The following AADACL3 variants were observed in gnomAD, a reference collection of about 807,000 sequenced individuals.
AADACL3 encodes arylacetamide deacetylase-like 3.
AADACL3 carries 13 observed loss-of-function variants against 13.6 expected under a neutral mutation model. The ratio of observed to expected loss-of-function variants is 0.95; its 90% CI spans 0.62 to 1.52. The LOEUF (loss-of-function observed/expected upper bound fraction) is 1.52, where lower values mean the gene tolerates loss of function less well. AADACL3 is among the 40% of genes most tolerant of loss of function. AADACL3 has a pLI of 0.00. For synonymous variants in AADACL3, 195 were observed against 197.0 expected (o/e 0.99, Z 0.08); for missense variants, 519 against 499.2 (o/e 1.04, Z -0.38).
chr1:12,724,628 G>A (rs1033999183), intron 3 of AADACL3, among the ~76,000 whole-genome samples: 12 of 152,036 alleles, frequency 7.9e-5, no homozygotes, highest in African/African-American at 2.9e-4. Flanking sequence ...GGGACTACAT[G>A]TATCCACCAC....
At position 12,727,939 on chromosome 1, in the gene AADACL3, T is replaced by G. The variant is rs1432717182; in HGVS notation, c.*1943T>G. On this transcript the variant is annotated 3_prime_UTR_variant, in exon 4 of 4. Coordinates refer to ENST00000359318, the MANE Select transcript of AADACL3 (RefSeq NM_001103170.3). The stretch of plus-strand genomic sequence containing the variant: ...GGAAGTGAGGTTGGTGAGGAGTTGC[T>G]GAGGCACTGCAGGGCCATGCCCAGT... The G allele has an allele frequency of 6.6e-6, 1 of 152,358 alleles. No individual in the cohort carries two copies. The highest frequency in any genetic ancestry group is 1.5e-5 in the Non-Finnish European group (1 of 68,128). 9.4% of individuals were successfully genotyped at this position (152,358 alleles called of 1,614,324 possible). A position where few individuals can be genotyped will look rare whatever the true frequency, so the allele number is the denominator to read the frequency against.
At chr1:12,718,753 G>A (rs1172938320) in intron 1 of AADACL3, among the ~76,000 whole-genome samples, 2 of 152,134 alleles carry the variant, frequency 1.3e-5, no homozygotes, top group Non-Finnish European at 2.9e-5. Context: ...CACCAGCCTT[G>A]GCCTCCCAAA....
rs1390960733 is a variant in AADACL3, at chr1:12,726,750, G to A, written c.*754G>A. Reference sequence around the variant, plus strand: ...GAATTTGAGAAGAGAAGTTGGGAGGGAAGTGGGGTCCTGAGTTAGAGACCC... The same window carrying A: ...GAATTTGAGAAGAGAAGTTGGGAGGAAAGTGGGGTCCTGAGTTAGAGACCC... On this transcript the variant is annotated 3_prime_UTR_variant, in exon 4 of 4. Transcript: ENST00000359318. 6.6e-6 allele frequency: 1 copy of A among 152,270 alleles called. No homozygotes were observed. Among genetic ancestry groups the A allele is most frequent in the African/African-American group, 2.4e-5 (1 of 41,448 alleles). 9.4% of individuals were successfully genotyped at this position (152,270 alleles called of 1,614,324 possible).
At chr1:12,722,406 T>C (rs1226260425) in intron 3 of AADACL3, among the ~76,000 whole-genome samples, 1 of 151,636 alleles carries the variant, frequency 6.6e-6, no homozygotes, top group African/African-American at 2.4e-5. Context: ...CCCCTGACTT[T>C]ACAATTCTCA....
chr1:12,725,468 C>G lies in AADACL3; in HGVS notation c.696C>G (p.Thr232=). The change falls in exon 4 of 4, where the codon ACC becomes ACG. Residue 232 remains threonine (T), a synonymous_variant. Transcript: ENST00000359318. ...YAILQALDLQ[T]PSFQQRKNIP... The stretch of plus-strand genomic sequence containing the variant: ...TTCTCCAAGCCCTGGATTTACAAAC[C>G]CCTTCGTTTCAACAGAGGAAAAACA... 6.2e-7 allele frequency: 1 copy of G among 1,613,894 alleles called. No homozygotes were observed. Among genetic ancestry groups the G allele is most frequent in the Non-Finnish European group, 8.5e-7 (1 of 1,179,930 alleles).
chr1:12,718,301 C>A (rs566904562), intron 1 of AADACL3, among the ~76,000 whole-genome samples: 2 of 139,700 alleles, frequency 1.4e-5, no homozygotes, highest in East Asian at 4.2e-4. Flanking sequence ...GGTGGGAGGA[C>A]TGTTTGAGTC....
Position 12,726,198 on chromosome 1 carries a change from G to C in AADACL3, c.*202G>C. The C allele has an allele frequency of 3.3e-6, 2 of 609,926 alleles. No homozygotes were observed. The highest frequency in any genetic ancestry group is 5.6e-6 in the Non-Finnish European group (2 of 359,228). The allele number at this position is 609,926 out of a possible 1,614,324, so 37.8% of individuals were successfully genotyped here. A position where few individuals can be genotyped will look rare whatever the true frequency, so the allele number is the denominator to read the frequency against. On this transcript the variant is annotated 3_prime_UTR_variant, in exon 4 of 4. Coordinates refer to ENST00000359318, the MANE Select transcript of AADACL3 (RefSeq NM_001103170.3). ...GGACGTGGTAGAAAAGACAGGTTTG[G>C]AGGTGGGAGTGTGGCTGTCTCTATT...
In AADACL3 at chr1:12,725,326, C is replaced by T. The variant is rs542929374; in HGVS notation, c.554C>T (p.Ala185Val). The T allele has an allele frequency of 6.2e-7, 1 of 1,613,986 alleles. No homozygotes were observed. Among genetic ancestry groups the T allele is most frequent in the Non-Finnish European group, 8.5e-7 (1 of 1,180,024 alleles). ...CTGGATGCATATGGAGTGGATCCAG[C>T]CCGGGTTGTGGTCTGCGGTGACAGT... ...KSLDAYGVDP[A>V]RVVVCGDSFG... Residue 185 changes from alanine (A) to valine (V), a missense_variant, in exon 4 of 4, where the codon GCC becomes GTC. Coordinates refer to ENST00000359318, the MANE Select transcript of AADACL3 (RefSeq NM_001103170.3).
rs1638380881 is a variant in AADACL3 at position 12,726,883 on chromosome 1, C to G, written c.*887C>G. On this transcript the variant is annotated 3_prime_UTR_variant, in exon 4 of 4. Coordinates refer to ENST00000359318, the MANE Select transcript of AADACL3 (RefSeq NM_001103170.3). ...ACTATTTCTTTTTTAAGACATGGAA[C>G]CAACTCAAATTGGCCTCTATTAGAA... is the stretch of plus-strand genomic sequence containing the variant. 1 of 152,170 alleles carries G rather than the reference C, an allele frequency of 6.6e-6. No individual in the cohort carries two copies. The highest frequency in any genetic ancestry group is 2.4e-5 in the African/African-American group (1 of 41,430). The allele number at this position is 152,170 out of a possible 1,614,324, so 9.4% of individuals were successfully genotyped here.
In AADACL3 at chr1:12,727,889, T is replaced by A. The variant is rs1638402714; in HGVS notation, c.*1893T>A. ...TTTCACCCCTGCCTCTGGAGATGGGTAGAGGAACATGAGCTGACCTTCTGG... is the reference window on the plus strand; with the variant it reads ...TTTCACCCCTGCCTCTGGAGATGGGAAGAGGAACATGAGCTGACCTTCTGG... On this transcript the variant is annotated 3_prime_UTR_variant, in exon 4 of 4. Coordinates refer to ENST00000359318, the MANE Select transcript of AADACL3 (RefSeq NM_001103170.3). 1 of 152,236 alleles carries A rather than the reference T, an allele frequency of 6.6e-6. No homozygotes were observed. Among genetic ancestry groups the A allele is most frequent in the Non-Finnish European group, 1.5e-5 (1 of 68,112 alleles). 9.4% of individuals were successfully genotyped at this position (152,236 alleles called of 1,614,324 possible).
chr1:12,725,017 A>T (rs750102049), intron 3 of AADACL3, among the ~76,000 whole-genome samples: 3 of 152,284 alleles, frequency 2.0e-5, no homozygotes, highest in Non-Finnish European at 2.9e-5. Flanking sequence ...CAGGTCCCCC[A>T]TTAGGGCATT....
At position 12,720,120 on chromosome 1, in the gene AADACL3, G is replaced by C. The variant is rs140310481; in HGVS notation, c.385+429G>C. Among the ~76,000 whole-genome samples, 12 of 152,282 alleles carry C rather than the reference G, an allele frequency of 7.9e-5. No homozygotes were observed. In the East Asian group the frequency reaches 2.3e-3, roughly 29 times the overall value. On this transcript the variant is annotated intron_variant, in intron 2 of 3. Coordinates refer to ENST00000359318, the MANE Select transcript of AADACL3 (RefSeq NM_001103170.3). ...AGCATTTTGTTTCACATCAGGTTTT[G>C]CTAAGACAAATTCTGGTACAGACAG...
At chr1:12,722,446 T>C (rs1223090408) in intron 3 of AADACL3, among the ~76,000 whole-genome samples, 1 of 152,032 alleles carries the variant, frequency 6.6e-6, no homozygotes, top group Non-Finnish European at 1.5e-5. Flanking sequence ...CATGGGATCA[T>C]GGGATGTTGC....
intron 3 of AADACL3, among the ~76,000 whole-genome samples, chr1:12,723,319 T>C (rs3122567): frequency 0.016 from 2,475 of 152,294 alleles, 55 homozygotes; most frequent in African/African-American, 0.057. Flanking sequence ...ATTCTGGTGG[T>C]GGGTTAAATC....
rs771067772 is a variant in AADACL3 at position 12,727,606 on chromosome 1, C to A, written c.*1610C>A. 3 of 152,220 alleles carry A rather than the reference C, an allele frequency of 2.0e-5. No individual in the cohort carries two copies. The highest frequency in any genetic ancestry group is 4.4e-5 in the Non-Finnish European group (3 of 68,046). The allele number at this position is 152,220 out of a possible 1,614,324, so 9.4% of individuals were successfully genotyped here. On this transcript the variant is annotated 3_prime_UTR_variant, in exon 4 of 4. Transcript: ENST00000359318. Reference sequence around the variant, plus strand: ...CATTGCACAAAAAACCCTGTGCATGCCCTTAACTTGCTTTCAGTTGAATAT... The same window carrying A: ...CATTGCACAAAAAACCCTGTGCATGACCTTAACTTGCTTTCAGTTGAATAT...
rs41279482 is a variant in AADACL3, at chr1:12,725,233, T to C, written c.461T>C (p.Leu154Ser). 2,942 of 1,599,600 alleles carry C rather than the reference T, an allele frequency of 1.8e-3. 7 individuals carry two copies. Among genetic ancestry groups the C allele is most frequent in the Non-Finnish European group, 2.4e-3 (2,793 of 1,173,706 alleles). The change falls in exon 4 of 4, where the codon TTA becomes TCA. Residue 154 changes from leucine (L) to serine (S), a missense_variant. By Grantham distance (145) the Leu-to-Ser change is moderately radical. Transcript: ENST00000359318. The part of the protein sequence containing the change: ...SVVLAVGYRK[L>S]PKHKFPVPVR... The stretch of plus-strand genomic sequence containing the variant: ...TGATTCCTTTTTAGTTACCGCAAGT[T>C]ACCTAAGCATAAGTTTCCAGTGCCA...
At chr1:12,722,108 C>G (rs188003879) in intron 3 of AADACL3, among the ~76,000 whole-genome samples, 2 of 152,238 alleles carry the variant, frequency 1.3e-5, no homozygotes, top group Non-Finnish European at 2.9e-5. Flanking sequence ...GGGTGGATCA[C>G]TTGAGGCCAG....
At chr1:12,718,797 G>A (rs1648497519) in intron 1 of AADACL3, among the ~76,000 whole-genome samples, 1 of 152,176 alleles carries the variant, frequency 6.6e-6, no homozygotes, top group African/African-American at 2.4e-5. Flanking sequence ...CACTGTGCCT[G>A]GCTGTATTTT....
chr1:12,716,879 A>G (rs1648448234), intron 1 of AADACL3, among the ~76,000 whole-genome samples: 1 of 152,192 alleles, frequency 6.6e-6, no homozygotes, highest in African/African-American at 2.4e-5. Context: ...GTAAAAGGGT[A>G]GCGGATGAGT....
Sources: allele counts gnomAD v4.1 joint callset (sites outside exome capture counted in the v4.1 genomes callset), GRCh38; gene constraint gnomAD v4.1.1; transcripts MANE v1.5; gene names NCBI Gene and HGNC (gene_info 2026-07-23, HGNC 2026-07-21).